Variants in ATP2B2 observed in about 807,000 individuals in gnomAD.
ATP2B2 encodes plasma membrane calcium-transporting ATPase 2.
In ATP2B2, 15 loss-of-function variants were observed where a neutral mutation model predicts 120.0. The ratio of observed to expected loss-of-function variants is 0.12; its 90% confidence interval spans 0.08 to 0.19. ATP2B2 has a LOEUF of 0.19. Ranked by LOEUF, ATP2B2 falls within the 10% of genes least tolerant of loss-of-function variation. The pLI is 1.00. For synonymous variants in ATP2B2, 694 were observed against 700.3 expected, an observed-to-expected ratio of 0.99 and a Z score of 0.14; for missense variants, 1,045 against 1,719.8, an observed-to-expected ratio of 0.61 and a Z score of 6.94.
chr3:10,411,596 G>A (rs965488009), intron 2 of ATP2B2, among the ~76,000 whole-genome samples: 5 of 152,308 alleles, frequency 3.3e-5, no homozygotes, highest in South Asian at 2.1e-4. Context: ...ACTGTAATGC[G>A]GATGGTGATT....
intron 2 of ATP2B2, among the ~76,000 whole-genome samples, chr3:10,415,116 G>A (rs911872382): frequency 3.3e-5 from 5 of 152,160 alleles, no homozygotes; most frequent in African/African-American, 9.7e-5. Context: ...GATGGCCTGC[G>A]TTCAAATCCC....
At chr3:10,596,990 GGTGCAC>G (rs2125586083) in intron 2 of ATP2B2, among the ~76,000 whole-genome samples, 2 of 143,594 alleles carry the variant, frequency 1.4e-5, no homozygotes, top group African/African-American at 5.2e-5. Flanking sequence ...CGCACACGCA[GGTGCAC>G]ACGCACACAG....
intron 2 of ATP2B2, among the ~76,000 whole-genome samples, chr3:10,568,101 G>T (rs1252815948): frequency 6.6e-6 from 1 of 152,194 alleles, no homozygotes; most frequent in African/African-American, 2.4e-5. Context: ...AGAACAAAGA[G>T]GGCGAGCCTG....
intron 2 of ATP2B2, among the ~76,000 whole-genome samples, chr3:10,424,721 G>A (rs2063093572): frequency 6.6e-6 from 1 of 152,158 alleles, no homozygotes; most frequent in Non-Finnish European, 1.5e-5. Context: ...TTTAAAAAAT[G>A]AGATCCATTT....
At chr3:10,452,837 A>T (rs1289460912) in intron 1 of ATP2B2, among the ~76,000 whole-genome samples, 1 of 152,240 alleles carries the variant, frequency 6.6e-6, no homozygotes, top group Non-Finnish European at 1.5e-5. Context: ...ACTGACCTGG[A>T]GCCCCAGGAG....
chr3:10,691,960 C>T (rs2125714463), intron 1 of ATP2B2, among the ~76,000 whole-genome samples: 1 of 152,350 alleles, frequency 6.6e-6, no homozygotes, highest in Middle Eastern at 3.4e-3. Flanking sequence ...CCCCACTTTA[C>T]AACTGAGAAA....
intron 2 of ATP2B2, among the ~76,000 whole-genome samples, chr3:10,589,538 G>A (rs948797732): frequency 6.6e-6 from 1 of 152,228 alleles, no homozygotes; most frequent in African/African-American, 2.4e-5. Context: ...CTGTGGGACA[G>A]GGTCTGCTTT....
chr3:10,452,474 C>A (rs766094227), intron 1 of ATP2B2, among the ~76,000 whole-genome samples: 4 of 152,202 alleles, frequency 2.6e-5, no homozygotes, highest in Non-Finnish European at 5.9e-5. Context: ...GGAGCTTTTA[C>A]ATTAAGCAGT....
intron 2 of ATP2B2, among the ~76,000 whole-genome samples, chr3:10,436,800 G>A (rs113579851): frequency 3.7e-4 from 56 of 152,292 alleles, no homozygotes; most frequent in African/African-American, 1.3e-3. Context: ...AACAGGCTGA[G>A]GAAAGAACCA....
At chr3:10,615,853 AT>A (rs1301369467) in intron 2 of ATP2B2, among the ~76,000 whole-genome samples, 1 of 152,148 alleles carries the variant, frequency 6.6e-6, no homozygotes, top group Non-Finnish European at 1.5e-5. Flanking sequence ...AGTAAAATTA[AT>A]GTTTTCAGGA....
At chr3:10,706,894 T>C (rs1289026759) in intron 1 of ATP2B2, among the ~76,000 whole-genome samples, 2 of 152,164 alleles carry the variant, frequency 1.3e-5, no homozygotes, top group East Asian at 3.9e-4. Context: ...TAACCCGTTA[T>C]AAGAAAGCCC....
At chr3:10,650,918 G>C (rs1339335447) in intron 1 of ATP2B2, among the ~76,000 whole-genome samples, 1 of 152,250 alleles carries the variant, frequency 6.6e-6, no homozygotes, top group East Asian at 1.9e-4. Flanking sequence ...GTGAGACATA[G>C]AGTCAAAGGA....
upstream of ATP2B2, among the ~76,000 whole-genome samples, chr3:10,508,329 C>T (rs1018214953): frequency 1.3e-5 from 2 of 152,250 alleles, no homozygotes; most frequent in Admixed American, 1.3e-4. Flanking sequence ...GACAGTCCTT[C>T]CTGATTCCAC....
chr3:10,683,286 C>A (rs2071427409), intron 1 of ATP2B2, among the ~76,000 whole-genome samples: 2 of 152,112 alleles, frequency 1.3e-5, no homozygotes, highest in South Asian at 2.1e-4. Context: ...ACCACACTCT[C>A]CAATCCTTTG....
intron 1 of ATP2B2, among the ~76,000 whole-genome samples, chr3:10,689,623 A>G (rs1405755803): frequency 6.6e-6 from 1 of 152,172 alleles, no homozygotes; most frequent in Non-Finnish European, 1.5e-5. Flanking sequence ...TCAGGATAAA[A>G]GGGCCTCCTT....
intron 1 of ATP2B2, among the ~76,000 whole-genome samples, chr3:10,488,831 A>C (rs1303145622): frequency 1.3e-5 from 2 of 148,332 alleles, no homozygotes; most frequent in African/African-American, 2.5e-5. Flanking sequence ...CTCTCACCTC[A>C]CCCCCCACAG....
intron 1 of ATP2B2, among the ~76,000 whole-genome samples, chr3:10,704,182 G>T (rs550024974): frequency 6.6e-6 from 1 of 152,268 alleles, no homozygotes; most frequent in South Asian, 2.1e-4. Flanking sequence ...CTGAGTGGTT[G>T]GCCTCGCCAT....
At chr3:10,378,471 G>C in intron 9 of ATP2B2, 61 bp from the exon 10 acceptor site, 1 of 1,594,722 alleles carries the variant, frequency 6.3e-7, no homozygotes, top group Non-Finnish European at 8.5e-7. Context: ...ATGCAGGTCA[G>C]CCCACAGGGT....
At chr3:10,525,830 A>T (rs1327257274) in intron 3 of ATP2B2, among the ~76,000 whole-genome samples, 5 of 152,180 alleles carry the variant, frequency 3.3e-5, no homozygotes, top group Non-Finnish European at 7.3e-5. Context: ...CAATTAAAAA[A>T]AAAAAGGTTC....
Sources: allele counts gnomAD v4.1 joint callset (sites outside exome capture counted in the v4.1 genomes callset), GRCh38; gene constraint gnomAD v4.1.1; transcripts MANE v1.5; gene names NCBI Gene and HGNC (gene_info 2026-07-23, HGNC 2026-07-21).